Variants in SLC25A18 observed in about 807,000 individuals in gnomAD.
SLC25A18 encodes mitochondrial glutamate carrier 2.
In SLC25A18, 24 loss-of-function variants were observed where a neutral mutation model predicts 31.1. The observed-to-expected ratio is 0.77, with a 90% CI of 0.56 to 1.08. The LOEUF (loss-of-function observed/expected upper bound fraction) is 1.08, where lower values mean the gene tolerates loss of function less well. Ranked by LOEUF, SLC25A18 falls within the 50% of genes least tolerant of loss-of-function variation. The pLI is 0.00. For missense variants in SLC25A18, 371 were observed against 418.5 expected (o/e 0.89, Z 0.99); for synonymous variants, 173 against 161.9 (o/e 1.07, Z -0.52).
Position 17,590,317 on chromosome 22 carries a change from G to A in SLC25A18, c.*81G>A. 1 of 1,574,228 alleles carries A rather than the reference G, an allele frequency of 6.4e-7. No homozygotes were observed. The highest frequency in any genetic ancestry group is 8.7e-7 in the Non-Finnish European group (1 of 1,152,668). On this transcript the variant is annotated 3_prime_UTR_variant, in exon 11 of 11. Coordinates refer to ENST00000327451, the MANE Select transcript of SLC25A18 (RefSeq NM_031481.3). Reference sequence around the variant, plus strand: ...TAGCCTAGAGGGGGCAAGGGCAGGTGGGGCCACTCTGGCCTGCCTGGTCCT... The same window carrying A: ...TAGCCTAGAGGGGGCAAGGGCAGGTAGGGCCACTCTGGCCTGCCTGGTCCT...
chr22:17,572,798 CGCCCG>C (rs2057131179), intron 2 of SLC25A18, among the ~76,000 whole-genome samples: 1 of 150,374 alleles, frequency 6.7e-6, no homozygotes, highest in Non-Finnish European at 1.5e-5. Flanking sequence ...CCCGCCACCA[CGCCCG>C]GCTAATTTTT....
chr22:17,584,337 G>T (rs917236913), intron 7 of SLC25A18, among the ~76,000 whole-genome samples: 1 of 151,348 alleles, frequency 6.6e-6, no homozygotes, highest in Non-Finnish European at 1.5e-5. Flanking sequence ...AGCTTGCAGT[G>T]AGTGGAGCTT....
At chr22:17,580,152 A>G (rs1673437157) in intron 3 of SLC25A18, 188 bp downstream of exon 3, 5 of 532,958 alleles carry the variant, frequency 9.4e-6, no homozygotes, top group East Asian at 6.2e-5. Context: ...CTGTGCACAT[A>G]TATGTTATTG....
At position 17,579,756 on chromosome 22, in the gene SLC25A18, G is replaced by T. The variant is rs1020877274; in HGVS notation, c.-189G>T. The T allele has an allele frequency of 1.4e-6, 2 of 1,389,424 alleles. No individual in the cohort carries two copies. The highest frequency in any genetic ancestry group is 9.3e-7 in the Non-Finnish European group (1 of 1,072,638). The allele number at this position is 1,389,424 out of a possible 1,614,324, so 86.1% of individuals were successfully genotyped here. A position where few individuals can be genotyped will look rare whatever the true frequency, so the allele number is the denominator to read the frequency against. On this transcript the variant is annotated 5_prime_UTR_variant, in exon 3 of 11. Coordinates refer to ENST00000327451, the MANE Select transcript of SLC25A18 (RefSeq NM_031481.3). ...TGACTACTTTGCAGGGGAGGAAGCC[G>T]CAGCCCAAGGAGGTCGTCACTTGCC...
intron 6 of SLC25A18, among the ~76,000 whole-genome samples, chr22:17,583,097 A>G (rs1210061780): frequency 6.6e-6 from 1 of 152,100 alleles, no homozygotes; most frequent in East Asian, 1.9e-4. Context: ...TCAGCCCCCA[A>G]ACACTTTCTA....
At chr22:17,574,078 T>A (rs530615317) in intron 2 of SLC25A18, among the ~76,000 whole-genome samples, 111 of 152,190 alleles carry the variant, frequency 7.3e-4, no homozygotes, top group African/African-American at 2.3e-3. Flanking sequence ...AAATTTTTTT[T>A]AAAAAAATAG....
rs371963270 is a variant in SLC25A18 at position 17,587,349 on chromosome 22, C to T, written c.575+48C>T. ...TAGGACAAGTGCACGGGGGAGGGCACGAGGGCCAGAGAGCTGGTTGTCCCT... is the reference window on the plus strand; with the variant it reads ...TAGGACAAGTGCACGGGGGAGGGCATGAGGGCCAGAGAGCTGGTTGTCCCT... On this transcript the variant is annotated intron_variant, in intron 8 of 10. Coordinates refer to ENST00000327451, the MANE Select transcript of SLC25A18 (RefSeq NM_031481.3). 3.8e-6 allele frequency: 6 copies of T among 1,561,624 alleles called. No homozygotes were observed. The African/African-American group carries it at 4.1e-5, about 11-fold the overall frequency.
chr22:17,573,968 G>T (rs537981732), intron 2 of SLC25A18, among the ~76,000 whole-genome samples: 2 of 152,150 alleles, frequency 1.3e-5, no homozygotes, highest in African/African-American at 4.8e-5. Context: ...TGTGGCTCAC[G>T]CCTGTAATCC....
chr22:17,582,620 A>T lies in SLC25A18; in HGVS notation c.257A>T (p.Asn86Ile), dbSNP rs2057410523. Residue 86 changes from asparagine to isoleucine, a missense_variant, in exon 6 of 11, where the codon AAC becomes ATC. Coordinates refer to ENST00000327451, the MANE Select transcript of SLC25A18 (RefSeq NM_031481.3). ...GAGAAGGCCATCAAGCTGGCGGCCAACGACTTTTTCCGGCGGCTGCTCATG... is the reference window on the plus strand; with the variant it reads ...GAGAAGGCCATCAAGCTGGCGGCCATCGACTTTTTCCGGCGGCTGCTCATG... Reference protein sequence around the residue: ...TPEKAIKLAANDFFRRLLMED... With the variant: ...TPEKAIKLAAIDFFRRLLMED... 1 of 1,605,502 alleles carries T rather than the reference A, an allele frequency of 6.2e-7. No homozygotes were observed. The highest frequency in any genetic ancestry group is 2.2e-5 in the East Asian group (1 of 44,794).
At chr22:17,580,740 T>C (rs1025087553) in intron 3 of SLC25A18, 1 of 1,152,934 alleles carries the variant, frequency 8.7e-7, no homozygotes, top group African/African-American at 1.6e-5. Flanking sequence ...CCGGGGAAGC[T>C]TGGGGCAGAG....
intron 2 of SLC25A18, among the ~76,000 whole-genome samples, chr22:17,572,931 G>A (rs1248195110): frequency 1.3e-5 from 2 of 152,172 alleles, no homozygotes; most frequent in South Asian, 2.1e-4. Flanking sequence ...ATGAGCCATG[G>A]CGCCCAGCCC....
intron 2 of SLC25A18, among the ~76,000 whole-genome samples, chr22:17,574,954 C>T (rs1224980781): frequency 2.6e-5 from 4 of 151,920 alleles, no homozygotes; most frequent in African/African-American, 9.7e-5. Flanking sequence ...CAGGTTCAAG[C>T]GATTCTCCTG....
intron 1 of SLC25A18, among the ~76,000 whole-genome samples, chr22:17,564,690 A>G: frequency 6.6e-6 from 1 of 151,876 alleles, no homozygotes; most frequent in Non-Finnish European, 1.5e-5. Context: ...AACCCCATCT[A>G]TACTAAAAAT....
At position 17,589,657 on chromosome 22, in the gene SLC25A18, C is replaced by T. The variant is rs775691595; in HGVS notation, c.798C>T (p.Asp266=). ...LGEDMYSGIT[D]CARKLWIQEG... ...AGGACATGTACAGTGGGATCACCGA[C>T]TGTGCCAGGTGAGAGCCAGTGTCCC... Residue 266 remains aspartate (D), a synonymous_variant, in exon 10 of 11, where the codon GAC becomes GAT. Transcript: ENST00000327451. The T allele has an allele frequency of 6.2e-6, 10 of 1,614,014 alleles. No homozygotes were observed. Among genetic ancestry groups the T allele is most frequent in the African/African-American group, 1.3e-5 (1 of 74,942 alleles).
intron 1 of SLC25A18, among the ~76,000 whole-genome samples, chr22:17,569,243 C>G (rs937259138): frequency 6.6e-6 from 1 of 151,268 alleles, no homozygotes; most frequent in Non-Finnish European, 1.5e-5. Context: ...CTCCCGACCT[C>G]GTGATCCGCC....
chr22:17,580,539 C>A, intron 3 of SLC25A18: 1 of 989,586 alleles, frequency 1.0e-6, no homozygotes, highest in Non-Finnish European at 1.2e-6. Flanking sequence ...TTATTATGAA[C>A]AATAGCTGGC....
intron 10 of SLC25A18, 71 bp from the exon 11 acceptor site, chr22:17,590,024 A>G: frequency 1.3e-6 from 2 of 1,588,544 alleles, no homozygotes; most frequent in Non-Finnish European, 1.7e-6. Flanking sequence ...GCACAAATGG[A>G]GAGGCTGCCA....
intron 10 of SLC25A18, 63 bp from the exon 11 acceptor site, chr22:17,590,032 C>T: frequency 1.3e-6 from 2 of 1,599,996 alleles, no homozygotes; most frequent in South Asian, 2.2e-5. Flanking sequence ...GGAGAGGCTG[C>T]CACTGAGGGC....
In SLC25A18 at chr22:17,590,284, G is replaced by C; in HGVS notation, c.*48G>C. The stretch of plus-strand genomic sequence containing the variant: ...TGCGCTTGCCGCCCTCTCTCTAGCT[G>C]TTTCACTTAGCCTAGAGGGGGCAAG... On this transcript the variant is annotated 3_prime_UTR_variant, in exon 11 of 11. Transcript: ENST00000327451. The C allele has an allele frequency of 6.2e-7, 1 of 1,612,040 alleles. No homozygotes were observed. The highest frequency in any genetic ancestry group is 1.1e-5 in the South Asian group (1 of 90,888).
Sources: gnomAD v4.1 joint callset for allele counts (sites outside exome capture counted in the v4.1 genomes callset) on GRCh38, gnomAD v4.1.1 for gene constraint, MANE v1.5 for transcripts, NCBI Gene and HGNC (gene_info 2026-07-23, HGNC 2026-07-21) for gene names.